Variants in ADK observed in about 807,000 individuals in gnomAD.
ADK encodes N6,N6-dimethyladenosine kinase.
In ADK, 24 loss-of-function variants were observed where a neutral mutation model predicts 44.7. That is an observed-to-expected ratio of 0.54 (90% CI 0.39 to 0.76). The LOEUF (loss-of-function observed/expected upper bound fraction) is 0.76. Ranked by LOEUF, ADK falls within the 30% of genes least tolerant of loss-of-function variation. The pLI is 0.00. For missense variants in ADK, 321 were observed against 425.1 expected (o/e 0.76, Z 2.15); for synonymous variants, 128 against 142.6 (o/e 0.90, Z 0.73).
intron 1 of ADK, among the ~76,000 whole-genome samples, chr10:74,167,145 A>C (rs1290395693): frequency 6.6e-6 from 1 of 152,178 alleles, no homozygotes; most frequent in East Asian, 1.9e-4. Context: ...ACAATGTAAA[A>C]AATGTATTTT....
chr10:74,578,283 T>TA (rs1241523671), intron 7 of ADK, among the ~76,000 whole-genome samples: 2 of 152,218 alleles, frequency 1.3e-5, no homozygotes, highest in Non-Finnish European at 2.9e-5. Context: ...TCTAAACTTA[T>TA]AAAAAATTGA....
At chr10:74,673,954 G>A (rs182679894) in intron 10 of ADK, among the ~76,000 whole-genome samples, 73 of 152,178 alleles carry the variant, frequency 4.8e-4, no homozygotes, top group African/African-American at 1.6e-3. Flanking sequence ...ATGTCCAACC[G>A]TGGTCTACAA....
At chr10:74,531,915 A>T in intron 7 of ADK, among the ~76,000 whole-genome samples, 1 of 152,226 alleles carries the variant, frequency 6.6e-6, no homozygotes, top group East Asian at 1.9e-4. Flanking sequence ...AGGGAGAAAT[A>T]TACCTATCTT....
At chr10:74,207,105 T>G (rs1843631833) in intron 2 of ADK, among the ~76,000 whole-genome samples, 1 of 152,172 alleles carries the variant, frequency 6.6e-6, no homozygotes, top group African/African-American at 2.4e-5. Flanking sequence ...GGGGTGGGCA[T>G]CTCCAGGCAC....
chr10:74,221,353 G>C (rs959576381), intron 2 of ADK, among the ~76,000 whole-genome samples: 4 of 150,000 alleles, frequency 2.7e-5, no homozygotes, highest in African/African-American at 9.7e-5. Flanking sequence ...ACAAACCACT[G>C]CTCAATGAAA....
intron 1 of ADK, among the ~76,000 whole-genome samples, chr10:74,161,854 C>T (rs1841907576): frequency 6.6e-6 from 1 of 151,998 alleles, no homozygotes; most frequent in South Asian, 2.1e-4. Context: ...TACAGGGATG[C>T]ACCACTGTGC....
intron 4 of ADK, among the ~76,000 whole-genome samples, chr10:74,339,946 T>G (rs979820100): frequency 1.3e-5 from 2 of 152,318 alleles, no homozygotes; most frequent in African/African-American, 2.4e-5. Flanking sequence ...ACTGGCTTAC[T>G]CTTTTCTTTA....
intron 9 of ADK, among the ~76,000 whole-genome samples, chr10:74,647,770 G>C (rs1854106443): frequency 6.6e-6 from 1 of 152,102 alleles, no homozygotes; most frequent in Admixed American, 6.5e-5. Context: ...ACAAATTAAT[G>C]TTCCATAATT....
chr10:74,260,735 G>A (rs1357207145), intron 3 of ADK, among the ~76,000 whole-genome samples: 1 of 152,076 alleles, frequency 6.6e-6, no homozygotes, highest in African/African-American at 2.4e-5. Context: ...TGTTAACTGT[G>A]TTCCCTGCTT....
At chr10:74,700,162 G>A (rs529918505) in intron 10 of ADK, among the ~76,000 whole-genome samples, 2 of 152,278 alleles carry the variant, frequency 1.3e-5, no homozygotes, top group South Asian at 2.1e-4. Context: ...TTAAACTACA[G>A]TGTATTTATA....
At chr10:74,507,381 G>A (rs185993347) in intron 6 of ADK, among the ~76,000 whole-genome samples, 106 of 152,228 alleles carry the variant, frequency 7.0e-4, no homozygotes, top group African/African-American at 2.5e-3. Context: ...GGGAGGCTGA[G>A]GTGGACAGAT....
At chr10:74,318,186 A>C (rs1840691901) in intron 4 of ADK, among the ~76,000 whole-genome samples, 1 of 152,064 alleles carries the variant, frequency 6.6e-6, no homozygotes, top group Non-Finnish European at 1.5e-5. Flanking sequence ...TTGAGACAGA[A>C]TCTCTTGCTC....
intron 4 of ADK, among the ~76,000 whole-genome samples, chr10:74,347,692 A>G (rs1459522582): frequency 6.6e-6 from 1 of 152,152 alleles, no homozygotes; most frequent in Non-Finnish European, 1.5e-5. Flanking sequence ...CTGCCAGCAC[A>G]ACAGTCTGAA....
intron 1 of ADK, among the ~76,000 whole-genome samples, chr10:74,190,463 G>T (rs1453444993): frequency 6.6e-6 from 1 of 152,198 alleles, no homozygotes; most frequent in African/African-American, 2.4e-5. Flanking sequence ...AGGAATTTCA[G>T]AACTTTTCAA....
At chr10:74,218,340 T>A (rs1254404919) in intron 2 of ADK, among the ~76,000 whole-genome samples, 1 of 151,878 alleles carries the variant, frequency 6.6e-6, no homozygotes, top group East Asian at 1.9e-4. Flanking sequence ...AAAGAAACAA[T>A]CAAAGCTTCC....
intron 3 of ADK, among the ~76,000 whole-genome samples, chr10:74,309,800 G>C (rs1840375017): frequency 6.6e-6 from 1 of 152,016 alleles, no homozygotes; most frequent in South Asian, 2.1e-4. Flanking sequence ...TATATTGAAT[G>C]AATTTATTGA....
intron 3 of ADK, among the ~76,000 whole-genome samples, chr10:74,300,076 A>T (rs1229990313): frequency 7.0e-6 from 1 of 142,664 alleles, no homozygotes. Context: ...TAGAAACAGG[A>T]TCTTGCTATG....
chr10:74,372,546 G>T, intron 4 of ADK: 1 of 308,900 alleles, frequency 3.2e-6, no homozygotes. Flanking sequence ...AAAATATATT[G>T]GATTTTTGAG....
intron 6 of ADK, among the ~76,000 whole-genome samples, chr10:74,402,571 C>T (rs940162299): frequency 2.6e-5 from 4 of 152,072 alleles, no homozygotes; most frequent in African/African-American, 9.7e-5. Context: ...ACGTAGTTCT[C>T]GTGCCATGGT....
Sources: allele counts gnomAD v4.1 joint callset (sites outside exome capture counted in the v4.1 genomes callset), GRCh38; gene constraint gnomAD v4.1.1; transcripts MANE v1.5; gene names NCBI Gene and HGNC (gene_info 2026-07-23, HGNC 2026-07-21).